Variants in NR4A1 observed in about 807,000 individuals in gnomAD.
NR4A1 encodes the protein nuclear receptor subfamily 4immunitygroup A member 1.
In NR4A1, 24 loss-of-function variants were observed where a neutral mutation model predicts 47.5. That is an observed-to-expected ratio of 0.50 (90% CI 0.37 to 0.71). The LOEUF is 0.71. Ranked by LOEUF, NR4A1 falls within the 30% of genes least tolerant of loss-of-function variation. NR4A1 has a pLI of 0.00. For synonymous variants in NR4A1, 353 were observed against 345.7 expected, an observed-to-expected ratio of 1.02 and a Z score of -0.24; for missense variants, 669 against 788.6, an observed-to-expected ratio of 0.85 and a Z score of 1.82.
upstream of NR4A1, among the ~76,000 whole-genome samples, chr12:52,050,097 G>GT (rs918448743): frequency 3.4e-4 from 51 of 152,236 alleles, no homozygotes; most frequent in African/African-American, 1.1e-3. Context: ...CCTTGTTTTT[G>GT]TTTTTTTGCC....
chr12:52,055,745 GA>G, intron 2 of NR4A1: 1 of 327,862 alleles, frequency 3.1e-6, no homozygotes. Context: ...AAGGGCCCAT[GA>G]AAAAATACAG....
intron 1 of NR4A1, 135 bp downstream of exon 1, chr12:52,051,703 G>C (rs1259055516): frequency 1.8e-6 from 1 of 569,300 alleles, no homozygotes; most frequent in African/African-American, 2.0e-5. Flanking sequence ...GTAGCACAAC[G>C]GGATGAGAAC....
At chr12:52,041,251 A>G (rs1392631244) in intron 1 of NR4A1, among the ~76,000 whole-genome samples, 2 of 152,086 alleles carry the variant, frequency 1.3e-5, no homozygotes, top group East Asian at 3.9e-4. Context: ...ATTTTTACAG[A>G]TGAGGAGCAT....
At chr12:52,044,560 T>A (rs1938560434) in intron 2 of NR4A1, among the ~76,000 whole-genome samples, 1 of 152,214 alleles carries the variant, frequency 6.6e-6, no homozygotes, top group Non-Finnish European at 1.5e-5. Context: ...AAAAAAAAAT[T>A]TTCCCCTTTC....
chr12:52,053,205 C>A (rs1474221329), intron 1 of NR4A1, among the ~76,000 whole-genome samples: 1 of 152,098 alleles, frequency 6.6e-6, no homozygotes, highest in African/African-American at 2.4e-5. Flanking sequence ...ATTTTTTGAC[C>A]ATTCTGTGAA....
intron 2 of NR4A1, chr12:52,043,934 T>A: frequency 7.8e-7 from 1 of 1,288,360 alleles, no homozygotes; most frequent in Non-Finnish European, 1.0e-6. Flanking sequence ...ACAGGGACAT[T>A]GAGGAATGGG....
rs764023829 is a variant in NR4A1, at chr12:52,054,429, C to T, written c.101C>T (p.Thr34Ile). Residue 34 changes from threonine to isoleucine, a missense_variant, in exon 2 of 7, where the codon ACC (threonine) becomes ATC (isoleucine). Thr to Ile is a moderately conservative substitution (Grantham distance 89, BLOSUM62 -1). Coordinates refer to ENST00000394825, the MANE Select transcript of NR4A1 (RefSeq NM_173157.3). ...DPLTPEFIKP[T>I]MDLASPEAAP... ...CTGACCCCTGAGTTCATCAAGCCCACCATGGACCTGGCCAGCCCCGAGGCA... is the reference window on the plus strand; with the variant it reads ...CTGACCCCTGAGTTCATCAAGCCCATCATGGACCTGGCCAGCCCCGAGGCA... The T allele has an allele frequency of 6.2e-7, 1 of 1,613,848 alleles. No homozygotes were observed. Among genetic ancestry groups the T allele is most frequent in the South Asian group, 1.1e-5 (1 of 91,080 alleles).
At chr12:52,049,653 T>G (rs1034466386), upstream of NR4A1, among the ~76,000 whole-genome samples, 2 of 152,036 alleles carry the variant, frequency 1.3e-5, no homozygotes, top group Non-Finnish European at 2.9e-5. Context: ...AGACCTTGTC[T>G]CAAAGACAAC....
chr12:52,055,286 C>T (rs1251232585), intron 2 of NR4A1, 82 bp downstream of exon 2: 3 of 1,551,236 alleles, frequency 1.9e-6, no homozygotes, highest in South Asian at 2.3e-5. Flanking sequence ...TGGTCTCCCC[C>T]TGGGTTCTCC....
chr12:52,048,012 G>A (rs1938726348), upstream of NR4A1, among the ~76,000 whole-genome samples: 1 of 150,550 alleles, frequency 6.6e-6, no homozygotes, highest in South Asian at 2.1e-4. Flanking sequence ...AAATTAGCTG[G>A]GTGTGGTGGC....
At chr12:52,035,727 T>C (rs1357681143) in intron 1 of NR4A1, among the ~76,000 whole-genome samples, 1 of 152,168 alleles carries the variant, frequency 6.6e-6, no homozygotes, top group Non-Finnish European at 1.5e-5. Context: ...CAGAGGTTCT[T>C]GGAATCATTA....
chr12:52,033,009 C>T (rs552898390), intron 1 of NR4A1, among the ~76,000 whole-genome samples: 21 of 152,236 alleles, frequency 1.4e-4, no homozygotes, highest in Non-Finnish European at 2.4e-4. Context: ...GGTTCATTTG[C>T]ATGCGCCCGT....
chr12:52,055,312 G>A, intron 2 of NR4A1, 108 bp downstream of exon 2: 1 of 1,440,342 alleles, frequency 6.9e-7, no homozygotes, highest in Non-Finnish European at 9.4e-7. Flanking sequence ...GCTAAGTCCT[G>A]TCCTGCAGGG....
chr12:52,032,381 G>C (rs1938145479), intron 1 of NR4A1, among the ~76,000 whole-genome samples: 1 of 152,238 alleles, frequency 6.6e-6, no homozygotes, highest in South Asian at 2.1e-4. Flanking sequence ...TTCAGACGCG[G>C]ACTGGAACTA....
At chr12:52,038,470 A>G (rs913234617) in intron 1 of NR4A1, 2 of 465,438 alleles carry the variant, frequency 4.3e-6, no homozygotes, top group Non-Finnish European at 7.8e-6. Flanking sequence ...TTGTGGGGCT[A>G]GTATTAGGGG....
chr12:52,055,465 AG>A, intron 2 of NR4A1: 1 of 587,534 alleles, frequency 1.7e-6, no homozygotes, highest in South Asian at 2.2e-5. Context: ...TAGGAGCTGC[AG>A]GGGTGCCTGG....
At chr12:52,041,794 G>A (rs1156272738) in intron 1 of NR4A1, 4 of 1,327,768 alleles carry the variant, frequency 3.0e-6, no homozygotes, top group Non-Finnish European at 3.9e-6. Context: ...CACTCACATC[G>A]ACTCTCCCTC....
chr12:52,030,211 A>G (rs1023701540), intron 1 of NR4A1, among the ~76,000 whole-genome samples: 6 of 152,116 alleles, frequency 3.9e-5, no homozygotes, highest in African/African-American at 1.2e-4. Flanking sequence ...CACAGTATCT[A>G]CAGAACTCTC....
intron 1 of NR4A1, 179 bp from the exon 2 acceptor site, chr12:52,054,148 A>C (rs1939118323): frequency 1.7e-6 from 1 of 602,580 alleles, no homozygotes; most frequent in African/African-American, 1.9e-5. Flanking sequence ...ACCTAGGTCG[A>C]GATGGTACTC....
Sources: allele counts gnomAD v4.1 joint callset (sites outside exome capture counted in the v4.1 genomes callset), GRCh38; gene constraint gnomAD v4.1.1; transcripts MANE v1.5; gene names NCBI Gene and HGNC (gene_info 2026-07-23, HGNC 2026-07-21).